PRELID2: variants seen among roughly 807,000 people sequenced by gnomAD.
PRELID2 encodes the protein PRELI domain-containing protein 2.
In PRELID2, 25 loss-of-function variants were observed where a neutral mutation model predicts 28.4. The ratio of observed to expected loss-of-function variants is 0.88; its 90% confidence interval spans 0.64 to 1.23. PRELID2 has a LOEUF of 1.23. PRELID2 is among the 50% of genes most tolerant of loss of function. PRELID2 has a pLI of 0.00. For synonymous variants in PRELID2, 76 were observed against 71.6 expected (o/e 1.06, Z -0.31); for missense variants, 201 against 214.4 (o/e 0.94, Z 0.39).
chr5:145,778,591 G>A (rs1016536470), intron 5 of PRELID2, among the ~76,000 whole-genome samples: 10 of 152,166 alleles, frequency 6.6e-5, no homozygotes, highest in African/African-American at 2.2e-4. Flanking sequence ...CTTGTAGTGC[G>A]CCTGGCCCAG....
the PRELID2 span, among the ~76,000 whole-genome samples, chr5:145,397,092 A>C: frequency 6.6e-6 from 1 of 152,182 alleles, no homozygotes; most frequent in Non-Finnish European, 1.5e-5. Context: ...AGCACCCTCC[A>C]GACAAATGAG....
intron 1 of PRELID2, among the ~76,000 whole-genome samples, chr5:145,741,138 AAT>A (rs1756708044): frequency 1.7e-5 from 2 of 116,490 alleles, no homozygotes; most frequent in Admixed American, 2.1e-4. Flanking sequence ...ATAAATATAT[AAT>A]GTATAAATAT....
rs77022407 is a variant in PRELID2 at position 145,824,575 on chromosome 5, G to A, written c.76-1441C>T. 6.2e-4 allele frequency among the ~76,000 whole-genome samples: 94 copies of A among 152,038 alleles called. 1 individual carries two copies. The East Asian group carries it at 0.017, about 27-fold the overall frequency. On this transcript the variant is annotated intron_variant, in intron 1 of 6. Coordinates refer to ENST00000683046, the MANE Select transcript of PRELID2 (RefSeq NM_205846.3). ...TAGATTAGAACACAGGCTCTCTGAG[G>A]GCAGGAATACTGTCTATTTCAGTTA...
At chr5:145,372,897 CAACATATATAATATATATGAT>C in the PRELID2 span, among the ~76,000 whole-genome samples, 16 of 41,974 alleles carry the variant, frequency 3.8e-4, 2 homozygotes, top group East Asian at 0.049. Flanking sequence ...TTATATATTA[CAACATATATAATATATATGAT>C]ATTATATATT....
At chr5:145,605,082 A>G (rs1407500520) in intron 1 of PRELID2, among the ~76,000 whole-genome samples, 2 of 151,516 alleles carry the variant, frequency 1.3e-5, no homozygotes, top group African/African-American at 4.8e-5. Context: ...GACCTTTGTT[A>G]GGTGCATAGT....
the PRELID2 span, among the ~76,000 whole-genome samples, chr5:145,401,387 C>T: frequency 2.0e-5 from 3 of 152,018 alleles, no homozygotes; most frequent in African/African-American, 4.8e-5. Context: ...GAAGAACTTC[C>T]TCTGCAGTAT....
At chr5:145,513,559 C>T (rs1378271799) in intron 1 of PRELID2, among the ~76,000 whole-genome samples, 4 of 152,152 alleles carry the variant, frequency 2.6e-5, no homozygotes, top group Admixed American at 2.0e-4. Flanking sequence ...TGGGAAAACA[C>T]TCTTCAGGAT....
the PRELID2 span, among the ~76,000 whole-genome samples, chr5:145,283,877 A>C: frequency 6.6e-6 from 1 of 152,178 alleles, no homozygotes; most frequent in Non-Finnish European, 1.5e-5. Flanking sequence ...CACTACATTC[A>C]GTAAGCTCTT....
chr5:145,383,048 T>A, the PRELID2 span, among the ~76,000 whole-genome samples: 1 of 151,704 alleles, frequency 6.6e-6, no homozygotes, highest in Non-Finnish European at 1.5e-5. Flanking sequence ...AAGATATCAT[T>A]TCCTCCAGAT....
At chr5:145,435,206 C>T in the PRELID2 span, among the ~76,000 whole-genome samples, 1 of 152,012 alleles carries the variant, frequency 6.6e-6, no homozygotes, top group Non-Finnish European at 1.5e-5. Context: ...TAGAGAGTGA[C>T]AAATGCAATA....
At chr5:145,406,148 C>T in the PRELID2 span, among the ~76,000 whole-genome samples, 1 of 152,084 alleles carries the variant, frequency 6.6e-6, no homozygotes, top group Admixed American at 6.6e-5. Flanking sequence ...ACCTCCAACA[C>T]TGGGGATTAA....
intron 5 of PRELID2, among the ~76,000 whole-genome samples, chr5:145,781,532 T>C (rs1230160031): frequency 1.3e-5 from 2 of 151,332 alleles, no homozygotes; most frequent in East Asian, 1.9e-4. Flanking sequence ...GTCCACACAA[T>C]GTGCAGATGC....
At chr5:145,825,562 A>G (rs142625785) in intron 1 of PRELID2, among the ~76,000 whole-genome samples, 21 of 152,382 alleles carry the variant, frequency 1.4e-4, no homozygotes, top group African/African-American at 4.8e-4. Context: ...CATAAGTTGT[A>G]GAAAGATAAC....
chr5:145,716,104 T>C (rs1041217357), intron 1 of PRELID2, among the ~76,000 whole-genome samples: 1 of 152,180 alleles, frequency 6.6e-6, no homozygotes, highest in Non-Finnish European at 1.5e-5. Flanking sequence ...GTACTTTATA[T>C]GTAGCCCAAG....
chr5:145,372,011 CCT>C, the PRELID2 span, among the ~76,000 whole-genome samples: 1 of 151,640 alleles, frequency 6.6e-6, no homozygotes, highest in African/African-American at 2.4e-5. Flanking sequence ...TTTGTTCTTG[CCT>C]CTCTAGCTCT....
chr5:145,485,527 G>A lies in PRELID2; in HGVS notation n.71-12212C>T, dbSNP rs182773175. ...GCTCTGTTAACCACAAGTTACTCTT[G>A]GCTGTCAACCATGAATTGGAGGCCA... is the stretch of plus-strand genomic sequence containing the variant. On this transcript the variant is annotated intron_variant and non_coding_transcript_variant, in intron 1 of 2. Coordinates refer to the PRELID2 transcript ENST00000510259. Among the ~76,000 whole-genome samples the A allele has an allele frequency of 5.8e-4, 88 of 152,264 alleles. 1 individual carries two copies. In the East Asian group the frequency reaches 8.7e-3, roughly 15 times the overall value.
At chr5:145,717,707 T>G (rs1480758836) in intron 1 of PRELID2, among the ~76,000 whole-genome samples, 1 of 150,818 alleles carries the variant, frequency 6.6e-6, no homozygotes, top group African/African-American at 2.4e-5. Flanking sequence ...ATTTAAAACT[T>G]CAAATCAAGT....
chr5:145,549,319 C>A (rs2126679504), intron 1 of PRELID2, among the ~76,000 whole-genome samples: 1 of 152,270 alleles, frequency 6.6e-6, no homozygotes, highest in Non-Finnish European at 1.5e-5. Context: ...AATTGTGTTT[C>A]TTGAATAAAT....
chr5:145,494,709 G>A lies in PRELID2; in HGVS notation n.71-21394C>T, dbSNP rs577596712. ...TTGACAACAAATGGATATGTATTATGTACCATGAGAAGAAAAGAATATTAG... is the reference window on the plus strand; with the variant it reads ...TTGACAACAAATGGATATGTATTATATACCATGAGAAGAAAAGAATATTAG... On this transcript the variant is annotated intron_variant and non_coding_transcript_variant, in intron 1 of 2. Transcript: ENST00000510259. 1.5e-4 allele frequency among the ~76,000 whole-genome samples: 23 copies of A among 152,190 alleles called. 1 individual carries two copies. In the South Asian group the frequency reaches 4.4e-3, roughly 29 times the overall value.
Sources: allele counts gnomAD v4.1 joint callset (sites outside exome capture counted in the v4.1 genomes callset), GRCh38; gene constraint gnomAD v4.1.1; transcripts MANE v1.5; gene names NCBI Gene and HGNC (gene_info 2026-07-23, HGNC 2026-07-21).